PTPRD: variants seen among roughly 807,000 people sequenced by gnomAD.
The protein encoded by PTPRD is protein tyrosine phosphatase receptor type D, also known as receptor-type tyrosine-protein phosphatase delta.
Under a neutral mutation model 214.5 loss-of-function variants are expected in PTPRD, and 34 were observed. That is an observed-to-expected ratio of 0.16 (90% CI 0.12 to 0.21). PTPRD has a LOEUF of 0.21. PTPRD is among the 10% of genes least tolerant of loss of function. The pLI, the probability that PTPRD is intolerant of heterozygous loss-of-function variation, is 1.00. For missense variants in PTPRD, 2,545 were observed against 2,398.7 expected, an observed-to-expected ratio of 1.06 and a Z score of -1.27; for synonymous variants, 1,128 against 845.7, an observed-to-expected ratio of 1.33 and a Z score of -5.79.
chr9:9,382,741 T>C (rs1372765723), intron 9 of PTPRD, among the ~76,000 whole-genome samples: 2 of 152,098 alleles, frequency 1.3e-5, no homozygotes, highest in Non-Finnish European at 2.9e-5. Flanking sequence ...AAAAACATTA[T>C]GCAGTTTCCT....
At chr9:8,413,705 T>A (rs1231943472) in intron 35 of PTPRD, among the ~76,000 whole-genome samples, 1 of 152,150 alleles carries the variant, frequency 6.6e-6, no homozygotes, top group Non-Finnish European at 1.5e-5. Context: ...TGCTCAGGTG[T>A]CTTAGAAAGT....
chr9:10,555,243 A>G (rs541079891), intron 2 of PTPRD, among the ~76,000 whole-genome samples: 1 of 152,342 alleles, frequency 6.6e-6, no homozygotes, highest in African/African-American at 2.4e-5. Flanking sequence ...CAAGCCTTAT[A>G]TATTTGTCAA....
At chr9:9,171,832 A>T (rs1478929973) in intron 10 of PTPRD, among the ~76,000 whole-genome samples, 3 of 152,286 alleles carry the variant, frequency 2.0e-5, no homozygotes, top group African/African-American at 7.2e-5. Context: ...TCCACAAAAT[A>T]TAAAGGTATA....
chr9:9,387,017 C>T (rs915565887), intron 9 of PTPRD, among the ~76,000 whole-genome samples: 2 of 152,184 alleles, frequency 1.3e-5, no homozygotes, highest in Non-Finnish European at 2.9e-5. Context: ...TTATTTAACG[C>T]TCAGAGGGAC....
intron 9 of PTPRD, among the ~76,000 whole-genome samples, chr9:9,258,963 A>G (rs6477383): frequency 0.34 from 51,199 of 151,566 alleles, 9,955 homozygotes; most frequent in African/African-American, 0.53. Context: ...GTGTTTCTCG[A>G]GTTGGGGAGC....
intron 14 of PTPRD, among the ~76,000 whole-genome samples, chr9:8,609,543 G>C (rs567588710): frequency 6.6e-5 from 10 of 152,338 alleles, no homozygotes; most frequent in African/African-American, 2.4e-4. Context: ...ACGGAAGCTT[G>C]TGTTACCATG....
At chr9:9,758,194 T>A (rs2098607418) in intron 6 of PTPRD, among the ~76,000 whole-genome samples, 1 of 151,440 alleles carries the variant, frequency 6.6e-6, no homozygotes, top group South Asian at 2.1e-4. Context: ...CTTTTTTTTT[T>A]ATTCCTGAAT....
chr9:8,506,819 A>G (rs1660247585), intron 22 of PTPRD, among the ~76,000 whole-genome samples: 1 of 152,172 alleles, frequency 6.6e-6, no homozygotes, highest in African/African-American at 2.4e-5. Context: ...CCTTCATACC[A>G]AATACTTTTT....
At chr9:10,411,335 T>G (rs930797303) in intron 2 of PTPRD, among the ~76,000 whole-genome samples, 1 of 151,806 alleles carries the variant, frequency 6.6e-6, no homozygotes, top group Non-Finnish European at 1.5e-5. Context: ...TAACTTGTAG[T>G]TGACTTTCCA....
At chr9:8,720,200 G>A (rs2098477529) in intron 12 of PTPRD, among the ~76,000 whole-genome samples, 1 of 152,182 alleles carries the variant, frequency 6.6e-6, no homozygotes, top group African/African-American at 2.4e-5. Flanking sequence ...CTTATATCTA[G>A]CTCCTCACCT....
At chr9:8,987,143 T>C (rs963876264) in intron 11 of PTPRD, among the ~76,000 whole-genome samples, 2 of 152,144 alleles carry the variant, frequency 1.3e-5, no homozygotes, top group Admixed American at 6.6e-5. Flanking sequence ...ATTCCCCATT[T>C]ACTAAAAGGA....
intron 44 of PTPRD, among the ~76,000 whole-genome samples, chr9:8,324,371 T>G (rs1192902068): frequency 6.6e-6 from 1 of 152,156 alleles, no homozygotes; most frequent in Non-Finnish European, 1.5e-5. Context: ...TGTTCCTGTG[T>G]TAGTTTGCTG....
chr9:9,976,904 T>G (rs144442868), intron 4 of PTPRD, among the ~76,000 whole-genome samples: 3 of 151,956 alleles, frequency 2.0e-5, no homozygotes, highest in Non-Finnish European at 2.9e-5. Context: ...CAAATTTGAT[T>G]TGGCGATTGG....
At chr9:8,714,542 A>G (rs1168694219) in intron 12 of PTPRD, among the ~76,000 whole-genome samples, 1 of 152,128 alleles carries the variant, frequency 6.6e-6, no homozygotes, top group Non-Finnish European at 1.5e-5. Flanking sequence ...TCTCTGTACA[A>G]GGTTTTTCTC....
At chr9:9,706,238 T>G (rs1259591322) in intron 7 of PTPRD, among the ~76,000 whole-genome samples, 1 of 152,186 alleles carries the variant, frequency 6.6e-6, no homozygotes, top group African/African-American at 2.4e-5. Flanking sequence ...TTTCATATTT[T>G]ATCAAGTATT....
chr9:8,573,353 G>C (rs1337115665), intron 14 of PTPRD, among the ~76,000 whole-genome samples: 1 of 151,912 alleles, frequency 6.6e-6, no homozygotes, highest in East Asian at 1.9e-4. Flanking sequence ...TGAAAAGATA[G>C]GCAAAGTAGT....
chr9:10,135,830 A>G (rs1462000777), intron 3 of PTPRD, among the ~76,000 whole-genome samples: 3 of 151,986 alleles, frequency 2.0e-5, no homozygotes, highest in African/African-American at 7.3e-5. Flanking sequence ...TTAAGTCTAC[A>G]AAAACAACCA....
At chr9:8,619,670 T>C (rs1368058460) in intron 14 of PTPRD, among the ~76,000 whole-genome samples, 1 of 151,956 alleles carries the variant, frequency 6.6e-6, no homozygotes, top group Admixed American at 6.6e-5. Context: ...GCTCTCTTTC[T>C]ACCCAGGTTA....
At chr9:8,795,711 G>C (rs1484470378) in intron 11 of PTPRD, among the ~76,000 whole-genome samples, 1 of 152,092 alleles carries the variant, frequency 6.6e-6, no homozygotes, top group Admixed American at 6.6e-5. Context: ...AAAAATTTTA[G>C]AGTTAGAAAA....
Sources: gnomAD v4.1 joint callset for allele counts (sites outside exome capture counted in the v4.1 genomes callset) on GRCh38, gnomAD v4.1.1 for gene constraint, MANE v1.5 for transcripts, NCBI Gene and HGNC (gene_info 2026-07-23, HGNC 2026-07-21) for gene names.